The following TBC1D20 variants were observed in gnomAD, a reference collection of about 807,000 sequenced individuals.
TBC1D20 encodes the protein TBC1 domain family member 20, also known as chromosome 20 open reading frame 140.
TBC1D20 carries 12 observed loss-of-function variants against 41.6 expected under a neutral mutation model. The ratio of observed to expected loss-of-function variants is 0.29; its 90% CI spans 0.18 to 0.47. The LOEUF is 0.47. TBC1D20 is among the 20% of genes least tolerant of loss of function. The pLI is 1.00. For synonymous variants in TBC1D20, 205 were observed against 204.8 expected, an observed-to-expected ratio of 1.00 and a Z score of -0.01; for missense variants, 421 against 517.4, an observed-to-expected ratio of 0.81 and a Z score of 1.81.
chr20:438,555 T>C lies in TBC1D20; in HGVS notation c.*31A>G, dbSNP rs2017162085. 1.9e-6 allele frequency: 3 copies of C among 1,609,662 alleles called. No homozygotes were observed. Among genetic ancestry groups the C allele is most frequent in the Non-Finnish European group, 2.5e-6 (3 of 1,176,756 alleles). ...CTTCCATGGAAGGGTGAGACCTTAA[T>C]GTGATGTAAGAGGAAGGTCTTCTCT... is the stretch of plus-strand genomic sequence containing the variant. On this transcript the variant is annotated 3_prime_UTR_variant, in exon 8 of 8. Transcript: ENST00000354200.
chr20:450,855 T>C (rs971070944), intron 1 of TBC1D20: 3 of 152,232 alleles, frequency 2.0e-5, no homozygotes, highest in African/African-American at 7.2e-5. Context: ...AACAGAGTAT[T>C]GCTTTTTGGC....
intron 1 of TBC1D20, among the ~76,000 whole-genome samples, chr20:452,215 G>A (rs1306820539): frequency 6.6e-6 from 1 of 152,196 alleles, no homozygotes; most frequent in Non-Finnish European, 1.5e-5. Flanking sequence ...GCTGAAAGAG[G>A]AGAATTGCTT....
At chr20:451,116 T>G (rs2017434172) in intron 1 of TBC1D20, among the ~76,000 whole-genome samples, 1 of 152,082 alleles carries the variant, frequency 6.6e-6, no homozygotes, top group South Asian at 2.1e-4. Context: ...GGCCAAGAGC[T>G]CAAAGAGACT....
intron 1 of TBC1D20, among the ~76,000 whole-genome samples, chr20:452,262 G>A (rs972833055): frequency 6.6e-6 from 1 of 152,096 alleles, no homozygotes; most frequent in Non-Finnish European, 1.5e-5. Flanking sequence ...AGCCAAGATC[G>A]CACAACTGCA....
intron 5 of TBC1D20, 89 bp downstream of exon 5, chr20:441,499 A>T: frequency 8.7e-7 from 1 of 1,150,230 alleles, no homozygotes; most frequent in South Asian, 1.2e-5. Flanking sequence ...ACAATGAGGA[A>T]ACTGCGCTCG....
intron 1 of TBC1D20, among the ~76,000 whole-genome samples, chr20:456,416 T>C (rs1015138266): frequency 2.6e-5 from 4 of 152,220 alleles, no homozygotes; most frequent in South Asian, 4.1e-4. Context: ...TTAATGGGTG[T>C]CTACTTGTAC....
At chr20:440,474 G>A (rs2017207551) in intron 5 of TBC1D20, 85 bp from the exon 6 acceptor site, 2 of 1,499,150 alleles carry the variant, frequency 1.3e-6, no homozygotes, top group African/African-American at 1.4e-5. Context: ...TGAGAAGGAA[G>A]CATTTAGGAA....
chr20:452,948 G>A lies in TBC1D20; in HGVS notation c.71-4874C>T, dbSNP rs2017470665. On this transcript the variant is annotated intron_variant, in intron 1 of 7. Coordinates refer to ENST00000354200, the MANE Select transcript of TBC1D20 (RefSeq NM_144628.4). Reference sequence around the variant, plus strand: ...GCAGACCACCTGAGATTGCGAGTTTGAGACCAGCCTGACCAACACGGAGAA... The same window carrying A: ...GCAGACCACCTGAGATTGCGAGTTTAAGACCAGCCTGACCAACACGGAGAA... Among the ~76,000 whole-genome samples, 3 of 152,024 alleles carry A rather than the reference G, an allele frequency of 2.0e-5. No homozygotes were observed. The South Asian group carries it at 6.2e-4, about 32-fold the overall frequency.
chr20:436,670 C>G lies in TBC1D20; in HGVS notation c.*1916G>C, dbSNP rs1377416943. 6.5e-6 allele frequency: 1 copy of G among 153,732 alleles called. No individual in the cohort carries two copies. The highest frequency in any genetic ancestry group is 1.9e-4 in the East Asian group (1 of 5,198). The allele number at this position is 153,732 out of a possible 1,614,324, so 9.5% of individuals were successfully genotyped here. ...TGCTTTGGGAGAGCACTGGGAATAT[C>G]TGCCGCATCATCACCTCTGGAAGAA... is the stretch of plus-strand genomic sequence containing the variant. On this transcript the variant is annotated 3_prime_UTR_variant, in exon 8 of 8. Coordinates refer to ENST00000354200, the MANE Select transcript of TBC1D20 (RefSeq NM_144628.4).
chr20:445,134 T>C lies in TBC1D20; in HGVS notation c.257-4A>G, dbSNP rs769440944. The stretch of plus-strand genomic sequence containing the variant: ...CTCATCTGCCGTAGGTTCTTCCCTA[T>C]TGAAGGAAAAGGCACGTTATTGCAG... On this transcript the variant is annotated splice_polypyrimidine_tract_variant and splice_region_variant and intron_variant, in intron 2 of 7. Coordinates refer to ENST00000354200, the MANE Select transcript of TBC1D20 (RefSeq NM_144628.4). 19 of 1,589,256 alleles carry C rather than the reference T, an allele frequency of 1.2e-5. No homozygotes were observed. In the East Asian group the frequency reaches 2.7e-4, roughly 23 times the overall value.
intron 1 of TBC1D20, among the ~76,000 whole-genome samples, chr20:459,187 G>A (rs1051317375): frequency 3.3e-5 from 5 of 152,164 alleles, no homozygotes; most frequent in Admixed American, 6.5e-5. Flanking sequence ...GTTTATTTCC[G>A]AAAGAGAAAC....
intron 1 of TBC1D20, among the ~76,000 whole-genome samples, chr20:453,921 A>G (rs1205360107): frequency 7.0e-6 from 1 of 143,380 alleles, no homozygotes; most frequent in East Asian, 2.2e-4. Context: ...CCTGGCCAAC[A>G]TGGTGAAACT....
intron 1 of TBC1D20, among the ~76,000 whole-genome samples, chr20:461,938 G>A (rs80112339): frequency 6.6e-6 from 1 of 152,242 alleles, no homozygotes; most frequent in Non-Finnish European, 1.5e-5. Context: ...TGCAGTTCGG[G>A]AGAGCTGATA....
At chr20:440,494 T>C (rs1600329073) in intron 5 of TBC1D20, 105 bp from the exon 6 acceptor site, 9 of 1,425,510 alleles carry the variant, frequency 6.3e-6, no homozygotes, top group Non-Finnish European at 8.4e-6. Flanking sequence ...ATAAGATTTC[T>C]GGAAAATTCA....
chr20:455,550 G>A lies in TBC1D20; in HGVS notation c.70+6786C>T, dbSNP rs284910. Among the ~76,000 whole-genome samples, 915 of 152,110 alleles carry A rather than the reference G, an allele frequency of 6.0e-3. 6 individuals carry two copies. Among genetic ancestry groups the A allele is most frequent in the African/African-American group, 0.015 (613 of 41,472 alleles). On this transcript the variant is annotated intron_variant, in intron 1 of 7. Transcript: ENST00000354200. Reference sequence around the variant, plus strand: ...GGAGAATCGCTTGAACCCGGGAGGCGGAGGTTACAGTGTGCCGAGATCATG... The same window carrying A: ...GGAGAATCGCTTGAACCCGGGAGGCAGAGGTTACAGTGTGCCGAGATCATG...
intron 1 of TBC1D20, among the ~76,000 whole-genome samples, chr20:451,635 T>A (rs1359363041): frequency 6.6e-6 from 1 of 152,186 alleles, no homozygotes; most frequent in East Asian, 1.9e-4. Flanking sequence ...GCAGCACCCA[T>A]CACATCTGCC....
chr20:445,024 G>A (rs368843592), intron 3 of TBC1D20, 26 bp downstream of exon 3: 3 of 1,584,610 alleles, frequency 1.9e-6, no homozygotes, highest in Non-Finnish European at 2.6e-6. Flanking sequence ...CTTTCCAAAT[G>A]TGGCAGGACC....
Position 436,743 on chromosome 20 carries a change from C to T in TBC1D20, c.*1843G>A, listed in dbSNP as rs2017125125. 2 of 153,828 alleles carry T rather than the reference C, an allele frequency of 1.3e-5. No homozygotes were observed. The highest frequency in any genetic ancestry group is 1.3e-4 in the Admixed American group (2 of 15,292). The allele number at this position is 153,828 out of a possible 1,614,324, so 9.5% of individuals were successfully genotyped here. On this transcript the variant is annotated 3_prime_UTR_variant, in exon 8 of 8. Coordinates refer to ENST00000354200, the MANE Select transcript of TBC1D20 (RefSeq NM_144628.4). Reference sequence around the variant, plus strand: ...ACCACTGTCTAAATTAATCCATCGACATCACACTTACCCCACAGTGGGGCT... The same window carrying T: ...ACCACTGTCTAAATTAATCCATCGATATCACACTTACCCCACAGTGGGGCT...
At chr20:457,582 C>T (rs566430513) in intron 1 of TBC1D20, among the ~76,000 whole-genome samples, 39 of 152,150 alleles carry the variant, frequency 2.6e-4, no homozygotes, top group Non-Finnish European at 2.2e-4. Context: ...GAAAGTACTC[C>T]AGGCAGAAGA....
Sources: allele counts gnomAD v4.1 joint callset (sites outside exome capture counted in the v4.1 genomes callset), GRCh38; gene constraint gnomAD v4.1.1; transcripts MANE v1.5; gene names NCBI Gene and HGNC (gene_info 2026-07-23, HGNC 2026-07-21).